EEA1: variants seen among roughly 807,000 people sequenced by gnomAD.
EEA1 encodes early endosome antigen 1.
A neutral mutation model predicts 209.2 loss-of-function variants in EEA1; 111 were observed. The ratio of observed to expected loss-of-function variants is 0.53; its 90% CI spans 0.45 to 0.62. EEA1 has a LOEUF of 0.62. Ranked by LOEUF, EEA1 falls within the 20% of genes least tolerant of loss-of-function variation. EEA1 has a pLI of 0.00. For synonymous variants in EEA1, 536 were observed against 540.6 expected, an observed-to-expected ratio of 0.99 and a Z score of 0.12; for missense variants, 1,343 against 1,530.8, an observed-to-expected ratio of 0.88 and a Z score of 2.05.
At chr12:92,818,071 C>T (rs867529505) in intron 14 of EEA1, among the ~76,000 whole-genome samples, 22 of 152,190 alleles carry the variant, frequency 1.4e-4, no homozygotes, top group African/African-American at 5.1e-4. Context: ...CAAAACTTGG[C>T]ATTGAACAAA....
intron 10 of EEA1, among the ~76,000 whole-genome samples, chr12:92,840,558 C>T (rs1194631729): frequency 2.0e-5 from 3 of 152,186 alleles, no homozygotes; most frequent in African/African-American, 4.8e-5. Context: ...GTGATTTGCC[C>T]GCCTTGGCCT....
chr12:92,868,693 A>T (rs577653306), intron 2 of EEA1, among the ~76,000 whole-genome samples: 5 of 152,366 alleles, frequency 3.3e-5, no homozygotes, highest in African/African-American at 1.2e-4. Context: ...TGAATTTTCC[A>T]TGTGATTAAG....
chr12:92,830,660 A>G (rs991514953), intron 11 of EEA1, among the ~76,000 whole-genome samples: 9 of 152,206 alleles, frequency 5.9e-5, no homozygotes, highest in African/African-American at 2.2e-4. Context: ...AACTAAAGAC[A>G]CTTCCATATT....
At chr12:92,831,579 T>C (rs1216895594) in intron 11 of EEA1, among the ~76,000 whole-genome samples, 2 of 147,548 alleles carry the variant, frequency 1.4e-5, no homozygotes, top group East Asian at 2.0e-4. Context: ...ATATATACTA[T>C]ATATATAAAA....
intron 18 of EEA1, among the ~76,000 whole-genome samples, chr12:92,807,686 TA>T (rs766480994): frequency 2.0e-5 from 3 of 152,030 alleles, no homozygotes; most frequent in African/African-American, 4.8e-5. Flanking sequence ...ACAATAGCAT[TA>T]AAAAAATATT....
At chr12:92,894,933 G>A (rs995377614) in intron 1 of EEA1, among the ~76,000 whole-genome samples, 8 of 152,196 alleles carry the variant, frequency 5.3e-5, no homozygotes, top group South Asian at 2.1e-4. Context: ...TCCAAGCTTC[G>A]AATTCCAAGC....
intron 11 of EEA1, among the ~76,000 whole-genome samples, chr12:92,831,344 G>A (rs946122141): frequency 1.3e-5 from 2 of 151,132 alleles, no homozygotes; most frequent in African/African-American, 4.9e-5. Flanking sequence ...GTCAAAACTT[G>A]CATTAAACTT....
rs1333312988 is a variant in EEA1, at chr12:92,865,377, TG to T, written c.118-391del. Reference sequence around the variant, plus strand: ...TCCAATCTACTTCATAGGAATGCTATGAAAAAAAAAAAAAGAAGATGAACCA... The same window carrying T: ...TCCAATCTACTTCATAGGAATGCTATAAAAAAAAAAAAAGAAGATGAACCA... On this transcript the variant is annotated intron_variant, in intron 2 of 28. Transcript: ENST00000322349. Among the ~76,000 whole-genome samples, 23 of 141,926 alleles carry T rather than the reference TG, an allele frequency of 1.6e-4. No individual in the cohort carries two copies. The South Asian group carries it at 1.7e-3, about 11-fold the overall frequency. 93.1% of individuals were successfully genotyped at this position (141,926 alleles called of 152,430 possible). A position where few individuals can be genotyped will look rare whatever the true frequency, so the allele number is the denominator to read the frequency against.
chr12:92,807,878 T>A (rs73362436), intron 18 of EEA1, among the ~76,000 whole-genome samples: 1 of 152,114 alleles, frequency 6.6e-6, no homozygotes, highest in African/African-American at 2.4e-5. Flanking sequence ...GGAATTCTAA[T>A]CAAAATACAA....
chr12:92,778,608 T>C (rs1873762921), intron 25 of EEA1, among the ~76,000 whole-genome samples: 1 of 152,054 alleles, frequency 6.6e-6, no homozygotes, highest in African/African-American at 2.4e-5. Context: ...AAATTGAAAC[T>C]CTTCAACTAA....
chr12:92,882,254 C>T (rs1201966668), intron 2 of EEA1, among the ~76,000 whole-genome samples: 2 of 151,934 alleles, frequency 1.3e-5, no homozygotes, highest in Non-Finnish European at 2.9e-5. Flanking sequence ...ATTACAGTCA[C>T]GTGCCACCAT....
chr12:92,776,251 A>G (rs1873654856), intron 28 of EEA1, 118 bp from the exon 29 acceptor site: 1 of 892,904 alleles, frequency 1.1e-6, no homozygotes, highest in East Asian at 2.8e-5. Flanking sequence ...AGTCATTGGT[A>G]TATTATTTAA....
chr12:92,782,171 A>C (rs763319643), intron 22 of EEA1, 36 bp from the exon 23 acceptor site: 5 of 1,524,538 alleles, frequency 3.3e-6, no homozygotes, highest in Non-Finnish European at 3.6e-6. Flanking sequence ...ATTATATGCC[A>C]TGTTTTTAGT....
At chr12:92,819,557 A>C (rs995498732) in intron 13 of EEA1, 46 bp from the exon 14 acceptor site, 1 of 1,337,858 alleles carries the variant, frequency 7.5e-7, no homozygotes. Flanking sequence ...AGAACTTAAA[A>C]AGTTATTCCT....
At chr12:92,858,010 G>A (rs910918518) in intron 3 of EEA1, 9 of 342,664 alleles carry the variant, frequency 2.6e-5, no homozygotes, top group East Asian at 6.8e-5. Flanking sequence ...TGCAACTTGC[G>A]CATTTCGCAG....
At chr12:92,786,138 C>T (rs73362412) in intron 22 of EEA1, among the ~76,000 whole-genome samples, 2,461 of 152,178 alleles carry the variant, frequency 0.016, 27 homozygotes, top group East Asian at 0.039. Context: ...TTTCTCCATC[C>T]TTGCTATTAC....
At chr12:92,873,000 C>G (rs1440000660) in intron 2 of EEA1, among the ~76,000 whole-genome samples, 1 of 152,072 alleles carries the variant, frequency 6.6e-6, no homozygotes, top group Non-Finnish European at 1.5e-5. Flanking sequence ...TTGAAAGCAT[C>G]AGGGAGAAAG....
intron 1 of EEA1, among the ~76,000 whole-genome samples, chr12:92,928,755 G>T (rs1474147474): frequency 6.6e-6 from 1 of 151,980 alleles, no homozygotes; most frequent in Non-Finnish European, 1.5e-5. Context: ...GGAACGCGCC[G>T]GCACCACACC....
At chr12:92,924,285 G>A (rs1023304304) in intron 1 of EEA1, among the ~76,000 whole-genome samples, 1 of 139,412 alleles carries the variant, frequency 7.2e-6, no homozygotes, top group Non-Finnish European at 1.5e-5. Context: ...TCGGCTCACT[G>A]CAATCTCAGC....
Sources: allele counts gnomAD v4.1 joint callset (sites outside exome capture counted in the v4.1 genomes callset), GRCh38; gene constraint gnomAD v4.1.1; transcripts MANE v1.5; gene names NCBI Gene and HGNC (gene_info 2026-07-23, HGNC 2026-07-21).